PPP2R5C: variants seen among roughly 807,000 people sequenced by gnomAD.
The protein encoded by PPP2R5C is serine/threonine-protein phosphatase 2A 56 kDa regulatory subunit gamma isoform.
A neutral mutation model predicts 68.9 loss-of-function variants in PPP2R5C; 7 were observed. The observed-to-expected ratio is 0.10, with a 90% CI of 0.06 to 0.19. PPP2R5C has a LOEUF of 0.19. PPP2R5C is among the 10% of genes least tolerant of loss of function. The probability of loss-of-function intolerance (pLI) is 1.00; values close to 1 mark genes in which losing one functional copy is unlikely to be tolerated. For missense variants in PPP2R5C, 348 were observed against 641.3 expected, an observed-to-expected ratio of 0.54 and a Z score of 4.94; for synonymous variants, 210 against 222.2, an observed-to-expected ratio of 0.95 and a Z score of 0.49.
chr14:101,925,308 T>G (rs1223775106), exon 14 of PPP2R5C: 1 of 1,607,312 alleles, frequency 6.2e-7, no homozygotes, highest in African/African-American at 1.3e-5. Context: ...GGCCCGCCAG[T>G]TCTTTTCCGG....
chr14:101,823,166 T>TA (rs2040180795), intron 1 of PPP2R5C, among the ~76,000 whole-genome samples: 1 of 152,218 alleles, frequency 6.6e-6, no homozygotes, highest in African/African-American at 2.4e-5. Flanking sequence ...GCATGTTTGG[T>TA]AAAGAGTTCT....
At chr14:101,887,983 G>C (rs537411150) in intron 5 of PPP2R5C, among the ~76,000 whole-genome samples, 1 of 152,246 alleles carries the variant, frequency 6.6e-6, no homozygotes, top group South Asian at 2.1e-4. Flanking sequence ...GCTGGAAAAG[G>C]AAGAAGGAAA....
chr14:101,909,515 C>G (rs45478295), intron 10 of PPP2R5C, 74 bp from the exon 13 acceptor site: 42,013 of 953,988 alleles, frequency 0.044, 1,142 homozygotes, highest in Non-Finnish European at 0.051. Context: ...GAATATGGAG[C>G]AGCCTGAGAG....
intron 2 of PPP2R5C, among the ~76,000 whole-genome samples, chr14:101,774,727 G>A (rs993783685): frequency 6.6e-6 from 1 of 152,184 alleles, no homozygotes; most frequent in Admixed American, 6.5e-5. Context: ...CAGGAGGTTT[G>A]CTGATTGTGA....
chr14:101,884,111 A>G (rs927664310), intron 5 of PPP2R5C, among the ~76,000 whole-genome samples: 5 of 152,322 alleles, frequency 3.3e-5, no homozygotes, highest in Admixed American at 2.6e-4. Context: ...CCACTGGTGT[A>G]GGTCCAAGAG....
chr14:101,800,431 T>A (rs1195415671), intron 3 of PPP2R5C, among the ~76,000 whole-genome samples: 1 of 151,948 alleles, frequency 6.6e-6, no homozygotes, highest in African/African-American at 2.4e-5. Flanking sequence ...GGCGTGATGG[T>A]GCATGCCTGT....
Position 101,920,923 on chromosome 14 carries a change from G to T in PPP2R5C, c.1443+2976G>T, listed in dbSNP as rs571799199. ...TGAGATTACAGGTGTGAGGACCTGTGCCTGGCCTGACTCCTTGTAGATTTC... is the reference window on the plus strand; with the variant it reads ...TGAGATTACAGGTGTGAGGACCTGTTCCTGGCCTGACTCCTTGTAGATTTC... On this transcript the variant is annotated intron_variant, in intron 13 of 13. Transcript: ENST00000334743. 2.6e-4 allele frequency among the ~76,000 whole-genome samples: 39 copies of T among 152,060 alleles called. No individual in the cohort carries two copies. The East Asian group carries it at 7.4e-3, about 29-fold the overall frequency.
At chr14:101,816,606 T>TG (rs1373928747) in intron 1 of PPP2R5C, among the ~76,000 whole-genome samples, 1 of 151,840 alleles carries the variant, frequency 6.6e-6, no homozygotes, top group African/African-American at 2.4e-5. Flanking sequence ...ACTGCGAACT[T>TG]TCTAGGTGTA....
chr14:101,791,706 T>A (rs1256676218), intron 3 of PPP2R5C, among the ~76,000 whole-genome samples: 1 of 152,046 alleles, frequency 6.6e-6, no homozygotes, highest in South Asian at 2.1e-4. Context: ...CAGTCTGCAG[T>A]GCCATTTTAA....
intron 8 of PPP2R5C, among the ~76,000 whole-genome samples, chr14:101,896,752 G>T (rs1025545300): frequency 6.6e-6 from 1 of 151,376 alleles, no homozygotes; most frequent in Non-Finnish European, 1.5e-5. Context: ...AGTAAGGAAT[G>T]TTAGGAACCA....
chr14:101,887,509 G>A (rs1227348363), intron 5 of PPP2R5C, among the ~76,000 whole-genome samples: 1 of 152,238 alleles, frequency 6.6e-6, no homozygotes. Context: ...GGCTCATCCA[G>A]ACGGTTCTGC....
chr14:101,834,362 C>T (rs1364495833), intron 1 of PPP2R5C, among the ~76,000 whole-genome samples: 2 of 152,208 alleles, frequency 1.3e-5, no homozygotes, highest in African/African-American at 2.4e-5. Flanking sequence ...CAGGGGGACC[C>T]TCTTCAAGCC....
In PPP2R5C at chr14:101,891,112, C is replaced by A. The variant is rs1241273186; in HGVS notation, c.689+816C>A. Among the ~76,000 whole-genome samples the A allele has an allele frequency of 6.6e-6, 1 of 152,160 alleles. No individual in the cohort carries two copies. The highest frequency in any genetic ancestry group is 1.5e-5 in the Non-Finnish European group (1 of 68,032). ...ATAACCCGTAGATTTTATATTAGAC[C>A]TTCTAACCCACTGTTTCCCAGAGTT... On this transcript the variant is annotated intron_variant, in intron 6 of 13. Coordinates refer to ENST00000334743, the Ensembl canonical transcript of PPP2R5C. The surrounding 1 kb of genome is among the most constrained non-coding windows in gnomAD (Gnocchi z 4.9).
intron 3 of PPP2R5C, among the ~76,000 whole-genome samples, chr14:101,800,204 G>A (rs1358512279): frequency 7.2e-5 from 11 of 152,184 alleles, no homozygotes; most frequent in African/African-American, 2.2e-4. Context: ...AGCTGTGATC[G>A]TGCCACTAGG....
chr14:101,780,391 TTGAGAGATATGATAGTCAACCAAGGG>T (rs2037616677), intron 2 of PPP2R5C, among the ~76,000 whole-genome samples: 1 of 152,154 alleles, frequency 6.6e-6, no homozygotes, highest in Non-Finnish European at 1.5e-5. Flanking sequence ...TCCCATACGT[TTGAGAGATATGATAGTCAACCAAGGG>T]TGATTTTGCC....
chr14:101,856,604 TAGA>T, intron 1 of PPP2R5C, 79 bp from the exon 4 acceptor site: 1 of 1,263,720 alleles, frequency 7.9e-7, no homozygotes, highest in Non-Finnish European at 1.1e-6. Context: ...AAAATAAAAA[TAGA>T]AGAAAGCTTA....
chr14:101,805,171 G>A (rs2039026278), upstream of PPP2R5C, among the ~76,000 whole-genome samples: 1 of 152,090 alleles, frequency 6.6e-6, no homozygotes, highest in Non-Finnish European at 1.5e-5. Context: ...TTGGCTCACT[G>A]CAGCCTGCCT....
chr14:101,904,469 G>A (rs2045909296), intron 9 of PPP2R5C, among the ~76,000 whole-genome samples: 1 of 152,158 alleles, frequency 6.6e-6, no homozygotes, highest in Non-Finnish European at 1.5e-5. Flanking sequence ...GCTTTTTAAA[G>A]TACAAGGTAT....
Position 101,825,403 on chromosome 14 carries a change from G to C in PPP2R5C, c.94+15367G>C, listed in dbSNP as rs1463990118. 6.6e-6 allele frequency among the ~76,000 whole-genome samples: 1 copy of C among 152,134 alleles called. No individual in the cohort carries two copies. Among genetic ancestry groups the C allele is most frequent in the East Asian group, 1.9e-4 (1 of 5,200 alleles). ...CCACTTAACTGGCTAGAACAGTTTT[G>C]AAAGGCCAAGATCATGGGTTTAAGA... On this transcript the variant is annotated intron_variant, in intron 1 of 13. Coordinates refer to ENST00000334743, the Ensembl canonical transcript of PPP2R5C. The surrounding 1 kb of genome is among the most constrained non-coding windows in gnomAD (Gnocchi z 4.0).
Sources: gnomAD v4.1 joint callset for allele counts (sites outside exome capture counted in the v4.1 genomes callset) on GRCh38, gnomAD v4.1.1 for gene constraint, Gnocchi (gnomAD v3.1) non-coding constraint, MANE v1.5 for transcripts, NCBI Gene and HGNC (gene_info 2026-07-23, HGNC 2026-07-21) for gene names.